The following PAX5 variants were observed in gnomAD, a reference collection of about 807,000 sequenced individuals.
PAX5 encodes the protein paired box protein Pax-5.
PAX5 carries 9 observed loss-of-function variants against 43.7 expected under a neutral mutation model. That is an observed-to-expected ratio of 0.21 (90% CI 0.12 to 0.36). The LOEUF is 0.36. PAX5 is among the 10% of genes least tolerant of loss of function. PAX5 has a pLI of 1.00. For missense variants in PAX5, 383 were observed against 532.7 expected, an observed-to-expected ratio of 0.72 and a Z score of 2.77; for synonymous variants, 228 against 214.3, an observed-to-expected ratio of 1.06 and a Z score of -0.56.
intron 9 of PAX5, among the ~76,000 whole-genome samples, chr9:36,843,097 T>C (rs1338156079): frequency 3.9e-5 from 6 of 151,946 alleles, no homozygotes; most frequent in Non-Finnish European, 7.4e-5. Context: ...TGTGTGCGTG[T>C]GTGTGTGTGA....
At chr9:36,968,743 A>C (rs1412866076) in intron 5 of PAX5, among the ~76,000 whole-genome samples, 1 of 152,112 alleles carries the variant, frequency 6.6e-6, no homozygotes. Context: ...ACAGGACATC[A>C]TCCTCAGAGA....
intron 6 of PAX5, among the ~76,000 whole-genome samples, chr9:36,951,603 T>C (rs1194351684): frequency 6.6e-6 from 1 of 152,260 alleles, no homozygotes; most frequent in Non-Finnish European, 1.5e-5. Context: ...AGTACCATTT[T>C]GTTTTAGGTT....
intron 1 of PAX5, among the ~76,000 whole-genome samples, chr9:37,027,179 T>C (rs1214853341): frequency 2.0e-5 from 3 of 152,308 alleles, no homozygotes; most frequent in Non-Finnish European, 4.4e-5. Context: ...TCGGACGAAG[T>C]TGCAAAGAAC....
At chr9:36,918,792 T>G (rs1563965879) in intron 7 of PAX5, among the ~76,000 whole-genome samples, 1 of 152,210 alleles carries the variant, frequency 6.6e-6, no homozygotes, top group Non-Finnish European at 1.5e-5. Flanking sequence ...AGAAGAAAAG[T>G]TAGAAGCTAG....
At chr9:36,974,412 C>G (rs1289146938) in intron 5 of PAX5, among the ~76,000 whole-genome samples, 1 of 152,138 alleles carries the variant, frequency 6.6e-6, no homozygotes, top group Non-Finnish European at 1.5e-5. Context: ...TTTGTGCATC[C>G]TTCAGTTTCT....
chr9:36,918,103 A>G (rs138456745), intron 7 of PAX5, among the ~76,000 whole-genome samples: 65 of 152,344 alleles, frequency 4.3e-4, no homozygotes, highest in Middle Eastern at 3.4e-3. Flanking sequence ...AGGCCAATCA[A>G]TAACCCTACA....
At chr9:36,890,262 A>T (rs2131810197) in intron 7 of PAX5, among the ~76,000 whole-genome samples, 1 of 148,224 alleles carries the variant, frequency 6.7e-6, no homozygotes, top group East Asian at 2.1e-4. Flanking sequence ...TGTGAACAAG[A>T]TGAGAGGTGG....
chr9:36,854,276 C>T (rs909624897), intron 8 of PAX5, among the ~76,000 whole-genome samples: 3 of 152,228 alleles, frequency 2.0e-5, no homozygotes, highest in African/African-American at 7.2e-5. Flanking sequence ...AGCGCAGGCA[C>T]GGCATCACAC....
At chr9:36,992,407 G>A (rs80308145) in intron 5 of PAX5, among the ~76,000 whole-genome samples, 7,642 of 152,328 alleles carry the variant, frequency 0.05, 229 homozygotes, top group South Asian at 0.099. Context: ...GCTGGATGGG[G>A]AGAATAGGCA....
At position 37,026,725 on chromosome 9, in the gene PAX5, G is replaced by T; in HGVS notation, c.47-5924C>A. 3 of 1,274,936 alleles carry T rather than the reference G, an allele frequency of 2.4e-6. No homozygotes were observed. In the South Asian group the frequency reaches 4.5e-5, roughly 19 times the overall value. 79.0% of individuals were successfully genotyped at this position (1,274,936 alleles called of 1,614,324 possible). On this transcript the variant is annotated intron_variant, in intron 1 of 9. Coordinates refer to ENST00000358127, the MANE Select transcript of PAX5 (RefSeq NM_016734.3). ...CTGGAGCTTCGGGGTCTCTCTCAGA[G>T]CCTCCCTGCTGGAGACCGCCCGGAG...
chr9:36,978,091 T>C (rs1835606016), intron 5 of PAX5, among the ~76,000 whole-genome samples: 2 of 152,336 alleles, frequency 1.3e-5, no homozygotes, highest in South Asian at 4.1e-4. Flanking sequence ...CTCATGGTGT[T>C]GGTATGAAGA....
chr9:36,969,034 G>A (rs147081110), intron 5 of PAX5, among the ~76,000 whole-genome samples: 6 of 152,280 alleles, frequency 3.9e-5, no homozygotes, highest in Non-Finnish European at 7.4e-5. Flanking sequence ...AAAGCATGAC[G>A]TGGGCCTTGG....
intron 7 of PAX5, among the ~76,000 whole-genome samples, chr9:36,896,294 T>C (rs920296880): frequency 3.9e-5 from 6 of 152,024 alleles, no homozygotes; most frequent in African/African-American, 1.4e-4. Flanking sequence ...GGATAGTCGA[T>C]GTCACAGTGC....
intron 7 of PAX5, among the ~76,000 whole-genome samples, chr9:36,916,407 T>C (rs1829731220): frequency 6.6e-6 from 1 of 152,234 alleles, no homozygotes; most frequent in Non-Finnish European, 1.5e-5. Context: ...GTTAAAATTT[T>C]TCTAGCTATC....
chr9:36,946,049 AG>A (rs1588048114), intron 6 of PAX5, among the ~76,000 whole-genome samples: 1 of 151,192 alleles, frequency 6.6e-6, no homozygotes, highest in East Asian at 2.0e-4. Flanking sequence ...GAAACTCTGC[AG>A]TGCTCCATCA....
At chr9:36,938,514 G>A (rs533033220) in intron 6 of PAX5, among the ~76,000 whole-genome samples, 4 of 152,068 alleles carry the variant, frequency 2.6e-5, no homozygotes, top group African/African-American at 4.8e-5. Context: ...ACAAACAAAA[G>A]CTTTCAAGCC....
chr9:36,916,044 A>G (rs1829707316), intron 7 of PAX5, among the ~76,000 whole-genome samples: 1 of 135,334 alleles, frequency 7.4e-6, no homozygotes, highest in Admixed American at 8.1e-5. Context: ...AGCCTGGACA[A>G]CAAAGTGAGA....
chr9:36,945,298 G>A (rs1449124657), intron 6 of PAX5, among the ~76,000 whole-genome samples: 1 of 151,980 alleles, frequency 6.6e-6, no homozygotes, highest in Non-Finnish European at 1.5e-5. Flanking sequence ...CTGAAGTACA[G>A]TGGCACAATC....
Position 36,863,870 on chromosome 9 carries a change from G to A in PAX5, c.1013-16941C>T, listed in dbSNP as rs749680817. On this transcript the variant is annotated intron_variant, in intron 8 of 9. Transcript: ENST00000358127. Reference sequence around the variant, plus strand: ...TCACGCCTCCAATCCCAGTACTTTGGGAGGCTAAGGTGGGCGGATCAGGAG... The same window carrying A: ...TCACGCCTCCAATCCCAGTACTTTGAGAGGCTAAGGTGGGCGGATCAGGAG... 7.2e-4 allele frequency among the ~76,000 whole-genome samples: 110 copies of A among 152,344 alleles called. 1 individual carries two copies. The highest frequency in any genetic ancestry group is 5.3e-4 in the Non-Finnish European group (36 of 68,030).
Sources: allele counts gnomAD v4.1 joint callset (sites outside exome capture counted in the v4.1 genomes callset), GRCh38; gene constraint gnomAD v4.1.1; transcripts MANE v1.5; gene names NCBI Gene and HGNC (gene_info 2026-07-23, HGNC 2026-07-21).